Variants in TNPO3 observed in about 807,000 individuals in gnomAD.
TNPO3 encodes transportin 3, also known as transportin-3.
TNPO3 carries 65 observed loss-of-function variants against 122.8 expected under a neutral mutation model. The ratio of observed to expected loss-of-function variants is 0.53; its 90% confidence interval spans 0.43 to 0.65. The LOEUF (loss-of-function observed/expected upper bound fraction) is 0.65. Among genes scored for constraint, TNPO3 ranks in the 30% least tolerant of loss-of-function variants. The pLI is 0.00. For missense variants in TNPO3, 850 were observed against 1,136.7 expected (o/e 0.75, Z 3.63); for synonymous variants, 372 against 411.2 (o/e 0.90, Z 1.15).
rs368457792 is a variant in TNPO3 at position 129,001,131 on chromosome 7, A to G, written c.800T>C (p.Met267Thr). The G allele has an allele frequency of 3.1e-6, 5 of 1,614,066 alleles. No homozygotes were observed. In the African/African-American group the frequency reaches 5.3e-5, roughly 17 times the overall value. ...ENVETNLPLAMQLFQGVLTLE... is the reference protein window; with the variant it reads ...ENVETNLPLATQLFQGVLTLE... ...TGTCAGCACTCCCTGAAAAAGTTGC[A>G]TGGCTAATGGCAAGTTAGTCTCCAC... The change falls in exon 6 of 23, where the codon ATG becomes ACG. Residue 267 changes from methionine (M) to threonine (T), a missense_variant. Physicochemically the swap from Met to Thr is moderately conservative, Grantham distance 81. Transcript: ENST00000265388.
chr7:129,051,794 C>A (rs181321674), intron 1 of TNPO3, among the ~76,000 whole-genome samples: 1 of 152,184 alleles, frequency 6.6e-6, no homozygotes, highest in Admixed American at 6.5e-5. Flanking sequence ...CAGGTGCGCA[C>A]CACCACGCCC....
chr7:129,005,470 T>C (rs761380489), intron 4 of TNPO3, among the ~76,000 whole-genome samples: 2 of 152,140 alleles, frequency 1.3e-5, no homozygotes, highest in African/African-American at 2.4e-5. Context: ...TCATGTCAAA[T>C]TGTAATCCCC....
intron 1 of TNPO3, among the ~76,000 whole-genome samples, chr7:129,035,950 CTTTTTTTTTT>C (rs71162551): frequency 3.3e-5 from 4 of 119,938 alleles, no homozygotes; most frequent in African/African-American, 5.9e-5. Context: ...CTTTTCTTTT[CTTTTTTTTTT>C]TTTTTTTTTT....
At chr7:128,977,599 CTT>C (rs57577501) in intron 16 of TNPO3, among the ~76,000 whole-genome samples, 74,935 of 135,778 alleles carry the variant, frequency 0.55, 19,934 homozygotes, top group Middle Eastern at 0.58. Context: ...TTTCTTTTTT[CTT>C]TTTTTTTTTT....
upstream of TNPO3, chr7:129,056,071 G>A: frequency 4.3e-6 from 5 of 1,167,908 alleles, 1 homozygote; most frequent in South Asian, 6.4e-5. Context: ...ATGAACGGGC[G>A]GAAGAAATGT....
intron 21 of TNPO3, among the ~76,000 whole-genome samples, chr7:128,960,814 C>T (rs889695599): frequency 1.3e-5 from 2 of 151,786 alleles, no homozygotes; most frequent in African/African-American, 2.4e-5. Flanking sequence ...GGCTGGAGTG[C>T]GGTGGCACAA....
chr7:129,049,283 A>G (rs1808421191), intron 1 of TNPO3, among the ~76,000 whole-genome samples: 2 of 152,376 alleles, frequency 1.3e-5, no homozygotes, highest in East Asian at 1.9e-4. Context: ...AGATGCAGAC[A>G]AGACATAGGA....
chr7:128,956,907 T>A (rs1365865667), intron 22 of TNPO3, among the ~76,000 whole-genome samples: 1 of 152,252 alleles, frequency 6.6e-6, no homozygotes, highest in Non-Finnish European at 1.5e-5. Flanking sequence ...TATTTGTTTG[T>A]TGCCATGTAC....
At chr7:128,984,142 T>C in intron 13 of TNPO3, 26 bp downstream of exon 13, 1 of 1,436,950 alleles carries the variant, frequency 7.0e-7, no homozygotes, top group Non-Finnish European at 9.6e-7. Context: ...TTATATTTGT[T>C]TCACACCTTC....
In TNPO3 at chr7:129,015,053, G is replaced by T. The variant is rs752037576; in HGVS notation, c.478C>A (p.Arg160=). ...LPEEVHSRSL[R]IGANRRTEII... is the part of the protein sequence containing the mutation. ...TCTGTGCGCCGATTAGCTCCAATTC[G>T]TAAGGAACGACTATGTACTTCTTCA... Residue 160 remains arginine (R), a synonymous_variant, in exon 4 of 23, where the codon CGA becomes AGA. Transcript: ENST00000265388. 6.2e-7 allele frequency: 1 copy of T among 1,612,816 alleles called. No homozygotes were observed. The highest frequency in any genetic ancestry group is 1.3e-5 in the African/African-American group (1 of 74,842).
chr7:129,001,293 G>T, intron 5 of TNPO3, 59 bp from the exon 6 acceptor site: 1 of 1,478,678 alleles, frequency 6.8e-7, no homozygotes, highest in Non-Finnish European at 9.3e-7. Flanking sequence ...GTGATCTACA[G>T]TTGGCCCTGC....
At chr7:129,002,483 T>A (rs184201842) in intron 5 of TNPO3, among the ~76,000 whole-genome samples, 19 of 152,360 alleles carry the variant, frequency 1.2e-4, no homozygotes, top group African/African-American at 4.3e-4. Context: ...ATAATTTTTT[T>A]AAAAGGATAT....
intron 19 of TNPO3, among the ~76,000 whole-genome samples, chr7:128,971,457 C>T (rs928684092): frequency 1.3e-5 from 2 of 152,190 alleles, no homozygotes; most frequent in African/African-American, 4.8e-5. Flanking sequence ...TTCTTGTGGT[C>T]TTTAAATACA....
intron 1 of TNPO3, among the ~76,000 whole-genome samples, chr7:129,022,448 G>A (rs1804630475): frequency 6.6e-6 from 1 of 151,240 alleles, no homozygotes. Flanking sequence ...GGGTGACAGA[G>A]CAAGACCCCG....
At chr7:128,984,723 C>T (rs1033587952) in intron 12 of TNPO3, among the ~76,000 whole-genome samples, 36 of 152,182 alleles carry the variant, frequency 2.4e-4, no homozygotes, top group Admixed American at 9.2e-4. Context: ...CACCATAACA[C>T]TCTCTGTGAG....
In TNPO3 at chr7:128,990,070, T is replaced by C. The variant is rs752856805; in HGVS notation, c.1389A>G (p.Leu463=). The C allele has an allele frequency of 2.5e-6, 4 of 1,614,108 alleles. No individual in the cohort carries two copies. The highest frequency in any genetic ancestry group is 1.1e-5 in the South Asian group (1 of 91,092). ...PENNPTLVEV[L]EGVVRLPETV... is the part of the protein sequence containing the mutation. ...TCTCCGGGAGGCGGACAACTCCTTC[T>C]AGGACTTCCACAAGTGTTGGATTGT... The change falls in exon 11 of 23, where the codon CTA becomes CTG. Residue 463 remains leucine (L), a synonymous_variant. Transcript: ENST00000265388.
chr7:128,991,480 G>A (rs1800743064), intron 10 of TNPO3, among the ~76,000 whole-genome samples: 2 of 152,154 alleles, frequency 1.3e-5, no homozygotes, highest in Non-Finnish European at 2.9e-5. Context: ...GGAATTAGAA[G>A]TAAAATTTGA....
At chr7:128,994,284 G>A (rs186151581) in intron 8 of TNPO3, among the ~76,000 whole-genome samples, 1 of 151,954 alleles carries the variant, frequency 6.6e-6, no homozygotes, top group East Asian at 1.9e-4. Context: ...CAGCCTCCCA[G>A]GTAACTGGGA....
chr7:128,967,283 G>C lies in TNPO3; in HGVS notation c.2708C>G (p.Thr903Ser), dbSNP rs760847102. The C allele has an allele frequency of 6.2e-7, 1 of 1,602,710 alleles. No homozygotes were observed. Among genetic ancestry groups the C allele is most frequent in the African/African-American group, 1.3e-5 (1 of 74,830 alleles). ...KQLTDFHKQV[T>S]SAEECKQVCW... ...AAGAACCCCCAGTATCACTCACCTA[G>C]TGACTTGCTTGTGGAAGTCTGTAAG... Residue 903 changes from threonine to serine, a missense_variant, in exon 21 of 23, where the codon ACT (threonine) becomes AGT (serine). Transcript: ENST00000265388.
Sources: allele counts gnomAD v4.1 joint callset (sites outside exome capture counted in the v4.1 genomes callset), GRCh38; gene constraint gnomAD v4.1.1; transcripts MANE v1.5; gene names NCBI Gene and HGNC (gene_info 2026-07-23, HGNC 2026-07-21).